Variants in CADPS observed in about 807,000 individuals in gnomAD.
The protein encoded by CADPS is calcium dependent secretion activator.
CADPS carries 57 observed loss-of-function variants against 167.3 expected under a neutral mutation model. The ratio of observed to expected loss-of-function variants is 0.34; its 90% CI spans 0.28 to 0.42. The LOEUF is 0.42. Among genes scored for constraint, CADPS ranks in the 20% least tolerant of loss-of-function variants. The pLI is 1.00. For synonymous variants in CADPS, 676 were observed against 635.3 expected, an observed-to-expected ratio of 1.06 and a Z score of -0.96; for missense variants, 1,414 against 1,738.1, an observed-to-expected ratio of 0.81 and a Z score of 3.32.
At chr3:62,553,673 G>A (rs2152298510) in intron 10 of CADPS, among the ~76,000 whole-genome samples, 1 of 152,332 alleles carries the variant, frequency 6.6e-6, no homozygotes, top group African/African-American at 2.4e-5. Context: ...GCAGCAGAGA[G>A]CAACAGGGCT....
intron 1 of CADPS, among the ~76,000 whole-genome samples, chr3:62,792,954 G>A (rs1444909276): frequency 6.6e-6 from 1 of 152,154 alleles, no homozygotes; most frequent in Non-Finnish European, 1.5e-5. Flanking sequence ...GGATTCTGCA[G>A]TCAGACTACT....
chr3:62,547,309 G>A (rs1349397799), intron 11 of CADPS, among the ~76,000 whole-genome samples: 1 of 152,162 alleles, frequency 6.6e-6, no homozygotes, highest in African/African-American at 2.4e-5. Context: ...AGAACTCAAT[G>A]GGTGCCATTC....
At position 62,481,811 on chromosome 3, in the gene CADPS, G is replaced by A. The variant is rs1486075591; in HGVS notation, c.3085C>T (p.Pro1029Ser). The A allele has an allele frequency of 6.2e-7, 1 of 1,611,698 alleles. No homozygotes were observed. The highest frequency in any genetic ancestry group is 8.5e-7 in the Non-Finnish European group (1 of 1,179,136). Reference sequence around the variant, plus strand: ...AGAGGGATGTTAACTGGTAGATTTGGTACTTTGGGAAGGTTCACATTGGGT... The same window carrying A: ...AGAGGGATGTTAACTGGTAGATTTGATACTTTGGGAAGGTTCACATTGGGT... The part of the protein sequence containing the change: ...NLPNVNLPKV[P>S]NLPVNIPLGI... The change falls in exon 22 of 30, where the codon CCA becomes TCA. Residue 1029 changes from proline (P) to serine (S), a missense_variant. This residue lies in a region of CADPS where 529 missense variants were observed against 629.6 expected (regional missense o/e 0.84). Transcript: ENST00000383710.
chr3:62,492,347 C>A lies in CADPS; in HGVS notation c.2827G>T (p.Asp943Tyr). The A allele has an allele frequency of 4.3e-6, 7 of 1,614,092 alleles. No individual in the cohort carries two copies. Among genetic ancestry groups the A allele is most frequent in the Non-Finnish European group, 4.2e-6 (5 of 1,179,940 alleles). The change falls in exon 20 of 30, where the codon GAC becomes TAC. Residue 943 changes from aspartate to tyrosine, a missense_variant. By Grantham distance (160) the Asp-to-Tyr change is radical. Coordinates refer to ENST00000383710, the MANE Select transcript of CADPS (RefSeq NM_003716.4). The stretch of plus-strand genomic sequence containing the variant: ...AATAGTGGAAAACTGTCCCATGTGT[C>A]TGGAGGTTGCACCTCTAAGGCTGCA... ...MDAALEVQPPDTWDSFPLFQL... is the reference protein window; with the variant it reads ...MDAALEVQPPYTWDSFPLFQL...
At chr3:62,708,288 A>G (rs1425623646) in intron 3 of CADPS, among the ~76,000 whole-genome samples, 4 of 151,920 alleles carry the variant, frequency 2.6e-5, no homozygotes, top group East Asian at 1.9e-4. Context: ...TGTTATTTGT[A>G]TATGTATTAT....
chr3:62,873,928 T>C (rs1468559558), intron 1 of CADPS, among the ~76,000 whole-genome samples: 1 of 152,066 alleles, frequency 6.6e-6, no homozygotes, highest in African/African-American at 2.4e-5. Flanking sequence ...ACTCCAGCCA[T>C]AAGGAAGCAG....
chr3:62,708,033 C>T (rs1361838380), intron 3 of CADPS, among the ~76,000 whole-genome samples: 1 of 129,118 alleles, frequency 7.7e-6, no homozygotes, highest in Non-Finnish European at 1.9e-5. Context: ...TCAAGTAATC[C>T]TCCCACCTCA....
At chr3:62,684,818 A>T (rs1271800908) in intron 3 of CADPS, among the ~76,000 whole-genome samples, 1 of 151,972 alleles carries the variant, frequency 6.6e-6, no homozygotes. Flanking sequence ...TTTAGTACAA[A>T]GTACATGCAC....
chr3:62,427,984 T>C (rs2053109511), intron 28 of CADPS, among the ~76,000 whole-genome samples: 1 of 152,214 alleles, frequency 6.6e-6, no homozygotes, highest in South Asian at 2.1e-4. Flanking sequence ...GCTTTGTTGG[T>C]ATAACTGGCT....
chr3:62,445,641 A>G (rs1223879157), intron 27 of CADPS, 124 bp downstream of exon 27: 2 of 599,320 alleles, frequency 3.3e-6, no homozygotes, highest in Non-Finnish European at 5.4e-6. Context: ...AGTCAGCAAC[A>G]CACAGTTTAG....
chr3:62,594,523 G>A (rs2086862257), intron 6 of CADPS, among the ~76,000 whole-genome samples: 1 of 152,022 alleles, frequency 6.6e-6, no homozygotes, highest in African/African-American at 2.4e-5. Flanking sequence ...AATTTATTTA[G>A]CCATTGTTCT....
intron 6 of CADPS, among the ~76,000 whole-genome samples, chr3:62,613,429 A>G (rs1016827897): frequency 3.9e-5 from 6 of 152,216 alleles, no homozygotes; most frequent in East Asian, 3.9e-4. Context: ...ACTCTTCTTC[A>G]TAAGTTCAGA....
intron 1 of CADPS, among the ~76,000 whole-genome samples, chr3:62,870,238 G>T (rs962424250): frequency 6.6e-6 from 1 of 152,058 alleles, no homozygotes; most frequent in Non-Finnish European, 1.5e-5. Context: ...TCGTCACTTT[G>T]TTCTCTCAAA....
intron 3 of CADPS, among the ~76,000 whole-genome samples, chr3:62,699,992 A>C (rs1259194238): frequency 1.3e-5 from 2 of 152,118 alleles, no homozygotes; most frequent in African/African-American, 4.8e-5. Flanking sequence ...TCAAATATTC[A>C]CTAATTGCTC....
intron 22 of CADPS, among the ~76,000 whole-genome samples, chr3:62,479,671 C>A (rs189468561): frequency 6.6e-6 from 1 of 152,226 alleles, no homozygotes; most frequent in Non-Finnish European, 1.5e-5. Context: ...AGTACGTAGA[C>A]GTATCTGACA....
At chr3:62,805,982 G>A (rs1220639580) in intron 1 of CADPS, among the ~76,000 whole-genome samples, 1 of 152,118 alleles carries the variant, frequency 6.6e-6, no homozygotes, top group Non-Finnish European at 1.5e-5. Context: ...CCCTGCTGTT[G>A]CTAGCCCTAG....
intron 5 of CADPS, among the ~76,000 whole-genome samples, chr3:62,650,398 C>T (rs2069791637): frequency 6.6e-6 from 1 of 152,158 alleles, no homozygotes. Flanking sequence ...TGGGTACTTA[C>T]TTTGGGAGCT....
At chr3:62,599,565 T>C (rs2059408210) in intron 6 of CADPS, among the ~76,000 whole-genome samples, 1 of 104,752 alleles carries the variant, frequency 9.5e-6, no homozygotes, top group South Asian at 2.7e-4. Context: ...ATTATATAAT[T>C]ATATAAATTA....
At position 62,569,399 on chromosome 3, in the gene CADPS, G is replaced by A. The variant is rs2080885520; in HGVS notation, c.1644+1473C>T. Reference sequence around the variant, plus strand: ...TTACAGGCGTGAGCCACCGTGCTGGGCAGCCGTGGGTTATTCTGAGGGACG... The same window carrying A: ...TTACAGGCGTGAGCCACCGTGCTGGACAGCCGTGGGTTATTCTGAGGGACG... On this transcript the variant is annotated intron_variant, in intron 9 of 29. Coordinates refer to ENST00000383710, the MANE Select transcript of CADPS (RefSeq NM_003716.4). Among the ~76,000 whole-genome samples the A allele has an allele frequency of 1.2e-4, 18 of 152,324 alleles. 1 individual carries two copies. In the South Asian group the frequency reaches 3.3e-3, roughly 28 times the overall value.
Sources: gnomAD v4.1 joint callset for allele counts (sites outside exome capture counted in the v4.1 genomes callset) on GRCh38, gnomAD v4.1.1 for gene constraint, gnomAD v4.1.1 regional missense constraint, MANE v1.5 for transcripts, NCBI Gene and HGNC (gene_info 2026-07-23, HGNC 2026-07-21) for gene names.